Variants in CLIC5 observed in about 807,000 individuals in gnomAD.
The protein encoded by CLIC5 is chloride intracellular channel protein 5.
Under a neutral mutation model 24.7 loss-of-function variants are expected in CLIC5, and 20 were observed. The ratio of observed to expected loss-of-function variants is 0.81; its 90% CI spans 0.57 to 1.18. CLIC5 has a LOEUF of 1.18. CLIC5 is among the 50% of genes most tolerant of loss of function. The pLI is 0.00. For synonymous variants in CLIC5, 159 were observed against 135.6 expected (o/e 1.17, Z -1.20); for missense variants, 341 against 326.1 (o/e 1.05, Z -0.35).
At chr6:45,957,747 G>GA (rs1392574180) in intron 1 of CLIC5, among the ~76,000 whole-genome samples, 1 of 152,220 alleles carries the variant, frequency 6.6e-6, no homozygotes, top group Middle Eastern at 3.2e-3. Context: ...CTGTCTGGGT[G>GA]TCCCTCTTTC....
the CLIC5 span, among the ~76,000 whole-genome samples, chr6:46,088,673 A>G: frequency 6.6e-6 from 1 of 152,232 alleles, no homozygotes; most frequent in Non-Finnish European, 1.5e-5. Flanking sequence ...AAGACATTAT[A>G]TAATGTGTAT....
At chr6:46,031,424 A>G (rs558437277) in intron 1 of CLIC5, among the ~76,000 whole-genome samples, 1 of 152,240 alleles carries the variant, frequency 6.6e-6, no homozygotes, top group South Asian at 2.1e-4. Flanking sequence ...TAAATATATG[A>G]AAAGGCATCC....
intron 4 of CLIC5, among the ~76,000 whole-genome samples, chr6:45,928,914 T>C (rs555334092): frequency 8.5e-5 from 13 of 152,294 alleles, no homozygotes; most frequent in African/African-American, 2.4e-4. Flanking sequence ...ATTTAACTCA[T>C]GTGCAAATCA....
intron 1 of CLIC5, among the ~76,000 whole-genome samples, chr6:46,054,384 A>G (rs1463976585): frequency 6.6e-6 from 1 of 151,782 alleles, no homozygotes; most frequent in Non-Finnish European, 1.5e-5. Flanking sequence ...GACCAAACAC[A>G]CTCTAAAAGT....
chr6:46,039,731 C>G (rs1767755119), intron 1 of CLIC5, among the ~76,000 whole-genome samples: 2 of 152,066 alleles, frequency 1.3e-5, no homozygotes, highest in African/African-American at 4.8e-5. Context: ...AAGAAATGAA[C>G]AGAGAATTCA....
chr6:45,916,273 A>G (rs1763029004), intron 4 of CLIC5, among the ~76,000 whole-genome samples: 2 of 152,214 alleles, frequency 1.3e-5, no homozygotes, highest in African/African-American at 4.8e-5. Flanking sequence ...TTGGGAGAAC[A>G]GAGTAAGCAG....
intron 1 of CLIC5, among the ~76,000 whole-genome samples, chr6:46,057,424 G>A (rs1768290901): frequency 6.6e-6 from 1 of 152,186 alleles, no homozygotes; most frequent in Non-Finnish European, 1.5e-5. Flanking sequence ...CAGCCATGTG[G>A]AACTGTAAGT....
chr6:45,901,062 A>G lies in CLIC5; in HGVS notation c.*2026T>C, dbSNP rs1439564606. The G allele has an allele frequency of 6.6e-6, 1 of 152,194 alleles. No homozygotes were observed. 9.4% of individuals were successfully genotyped at this position (152,194 alleles called of 1,614,324 possible). On this transcript the variant is annotated 3_prime_UTR_variant, in exon 6 of 6. Coordinates refer to ENST00000339561, the MANE Select transcript of CLIC5 (RefSeq NM_016929.5). ...TCTTAGGTCATCCTGCCTGTGCTGT[A>G]AATTCGGGGAAGGATTTCTGAGTAC...
chr6:45,942,072 T>C (rs949712128), intron 3 of CLIC5, among the ~76,000 whole-genome samples: 23 of 152,198 alleles, frequency 1.5e-4, no homozygotes, highest in Admixed American at 6.5e-5. Flanking sequence ...CCTGTGATTA[T>C]AATCCTAGCT....
chr6:46,032,139 A>G (rs1767521236), intron 1 of CLIC5, among the ~76,000 whole-genome samples: 1 of 152,164 alleles, frequency 6.6e-6, no homozygotes, highest in African/African-American at 2.4e-5. Flanking sequence ...ATGGCTGAGA[A>G]GGCCTCAGGA....
intron 4 of CLIC5, among the ~76,000 whole-genome samples, chr6:45,926,321 C>T (rs1157996855): frequency 6.6e-6 from 1 of 150,526 alleles, no homozygotes; most frequent in Non-Finnish European, 1.5e-5. Flanking sequence ...GATCTCGGCT[C>T]ACTGCAAGCT....
the CLIC5 span, among the ~76,000 whole-genome samples, chr6:46,088,161 CTGTGTGTGTGTGTGTGTG>C: frequency 1.4e-5 from 2 of 146,340 alleles, no homozygotes; most frequent in African/African-American, 5.1e-5. Context: ...CGCTCTCTTT[CTGTGTGTGTGTGTGTGTG>C]TGTGTGTGTG....
chr6:46,061,500 T>G (rs748287788), intron 1 of CLIC5, among the ~76,000 whole-genome samples: 1 of 152,210 alleles, frequency 6.6e-6, no homozygotes, highest in Non-Finnish European at 1.5e-5. Flanking sequence ...CAACAAGTTG[T>G]TTTGACTGAG....
intron 3 of CLIC5, among the ~76,000 whole-genome samples, chr6:45,942,008 T>G (rs1764148434): frequency 6.6e-6 from 1 of 152,176 alleles, no homozygotes; most frequent in African/African-American, 2.4e-5. Context: ...CCTCTCTATC[T>G]GGTAGGGTTC....
intron 1 of CLIC5, among the ~76,000 whole-genome samples, chr6:45,992,212 C>G (rs192999420): frequency 4.9e-4 from 75 of 152,312 alleles, no homozygotes; most frequent in Admixed American, 1.9e-3. Context: ...CCTTGTCCTG[C>G]ATTCCTGCAC....
At chr6:46,040,881 A>G (rs907305671) in intron 1 of CLIC5, among the ~76,000 whole-genome samples, 3 of 152,218 alleles carry the variant, frequency 2.0e-5, no homozygotes, top group Non-Finnish European at 4.4e-5. Flanking sequence ...TAGTCTTTCT[A>G]GAAAGCAATC....
At chr6:46,044,639 G>A (rs1214543605) in intron 1 of CLIC5, among the ~76,000 whole-genome samples, 3 of 152,152 alleles carry the variant, frequency 2.0e-5, no homozygotes, top group African/African-American at 7.2e-5. Flanking sequence ...TTCTTGGGGT[G>A]AGCCTGGATG....
At chr6:46,089,175 T>A in the CLIC5 span, among the ~76,000 whole-genome samples, 1 of 152,106 alleles carries the variant, frequency 6.6e-6, no homozygotes. Flanking sequence ...AAAGCAACCA[T>A]CAAGGTTTTA....
intron 2 of CLIC5, 63 bp downstream of exon 2, chr6:45,955,072 C>T: frequency 7.8e-7 from 1 of 1,286,564 alleles, no homozygotes; most frequent in Admixed American, 1.8e-5. Context: ...TTTTGCCCTC[C>T]TTCATGGAAG....
Sources: allele counts gnomAD v4.1 joint callset (sites outside exome capture counted in the v4.1 genomes callset), GRCh38; gene constraint gnomAD v4.1.1; transcripts MANE v1.5; gene names NCBI Gene and HGNC (gene_info 2026-07-23, HGNC 2026-07-21).